Variants in PIK3C2B observed in about 807,000 individuals in gnomAD.
PIK3C2B encodes phosphatidylinositol 4-phosphate 3-kinase C2 domain-containing subunit beta.
A neutral mutation model predicts 184.3 loss-of-function variants in PIK3C2B; 83 were observed. That is an observed-to-expected ratio of 0.45 (90% CI 0.38 to 0.54). The LOEUF is 0.54. Ranked by LOEUF, PIK3C2B falls within the 20% of genes least tolerant of loss-of-function variation. PIK3C2B has a pLI of 0.00. For missense variants in PIK3C2B, 1,736 were observed against 2,113.5 expected (o/e 0.82, Z 3.50); for synonymous variants, 779 against 837.6 (o/e 0.93, Z 1.21).
chr1:204,461,940 A>G (rs1572358192), intron 5 of PIK3C2B, among the ~76,000 whole-genome samples: 1 of 152,110 alleles, frequency 6.6e-6, no homozygotes, highest in Non-Finnish European at 1.5e-5. Context: ...GGGAACTAGC[A>G]GATTTCTGGA....
At chr1:204,456,882 A>ACACACC (rs1654890328) in intron 10 of PIK3C2B, among the ~76,000 whole-genome samples, 155 bp downstream of exon 10, 1 of 68,588 alleles carries the variant, frequency 1.5e-5, no homozygotes, top group South Asian at 4.7e-4. Context: ...GAACACACAC[A>ACACACC]CACACACACA....
chr1:204,485,703 G>A (rs1208144432), intron 1 of PIK3C2B, among the ~76,000 whole-genome samples: 1 of 151,844 alleles, frequency 6.6e-6, no homozygotes, highest in Admixed American at 6.6e-5. Context: ...AGCCTCCTGA[G>A]AAGCTGGGAC....
intron 31 of PIK3C2B, among the ~76,000 whole-genome samples, chr1:204,427,332 C>T (rs933705831): frequency 6.6e-6 from 1 of 152,148 alleles, no homozygotes; most frequent in East Asian, 1.9e-4. Flanking sequence ...CTAATAAAAC[C>T]AGGCATGGTG....
At chr1:204,472,978 C>A (rs1332726558) in intron 1 of PIK3C2B, among the ~76,000 whole-genome samples, 1 of 152,146 alleles carries the variant, frequency 6.6e-6, no homozygotes, top group African/African-American at 2.4e-5. Context: ...TGACTCTTAG[C>A]ATCAGCAGCC....
chr1:204,469,518 T>C lies in PIK3C2B; in HGVS notation c.285A>G (p.Ser95=). 1.9e-6 allele frequency: 3 copies of C among 1,604,620 alleles called. No homozygotes were observed. The highest frequency in any genetic ancestry group is 2.6e-6 in the Non-Finnish European group (3 of 1,175,518). The change falls in exon 2 of 33, where the codon TCA becomes TCG. Residue 95 remains serine, a synonymous_variant. Transcript: ENST00000684373. ...SGSDPTLNYN[S]LSPQEGPPNH... is the part of the protein sequence containing the mutation. ...TGGGCGGCCCTTCCTGTGGGGAGAG[T>C]GAGTTGTAGTTAAGGGTAGGATCAG...
chr1:204,451,929 C>T (rs1052585611), intron 12 of PIK3C2B, among the ~76,000 whole-genome samples: 5 of 152,178 alleles, frequency 3.3e-5, no homozygotes, highest in African/African-American at 9.7e-5. Flanking sequence ...GCCCTATTAT[C>T]GCTACCATTC....
intron 1 of PIK3C2B, among the ~76,000 whole-genome samples, chr1:204,473,535 G>T (rs1572384066): frequency 1.3e-5 from 2 of 152,204 alleles, no homozygotes; most frequent in African/African-American, 4.8e-5. Flanking sequence ...CTTATAGATA[G>T]GAGATACCAG....
At chr1:204,442,660 G>A (rs1462286105) in intron 19 of PIK3C2B, 27 bp from the exon 20 acceptor site, 4 of 1,441,362 alleles carry the variant, frequency 2.8e-6, no homozygotes, top group Non-Finnish European at 2.9e-6. Flanking sequence ...GAGTACAGCA[G>A]GGGTGAAATG....
At chr1:204,449,690 G>A (rs1230837684) in intron 13 of PIK3C2B, among the ~76,000 whole-genome samples, 160 bp downstream of exon 13, 1 of 152,166 alleles carries the variant, frequency 6.6e-6, no homozygotes, top group Admixed American at 6.5e-5. Flanking sequence ...CAATAGTCCT[G>A]GTCACCAGTT....
chr1:204,450,373 G>A (rs1312712013), intron 12 of PIK3C2B, among the ~76,000 whole-genome samples: 1 of 152,122 alleles, frequency 6.6e-6, no homozygotes, highest in Non-Finnish European at 1.5e-5. Context: ...TCCTTTCCTT[G>A]TTTTAGGATT....
chr1:204,433,339 G>A lies in PIK3C2B; in HGVS notation c.3930C>T (p.Ala1310=). The change falls in exon 26 of 33, where the codon GCC becomes GCT. Residue 1310 remains alanine, a synonymous_variant. Coordinates refer to ENST00000684373, the MANE Select transcript of PIK3C2B (RefSeq NM_001377334.1). This position sits in a 1 kb window ranked among gnomAD's most constrained non-coding sequence, Gnocchi z 5.0. ...ACCTAGTGAAGTAGGTAGTGGCATT[G>A]GCCTCTGTATCCTGAGGCCTCAGGG... ...YDALRPQDTE[A]NATTYFTRLI... The A allele has an allele frequency of 6.3e-7, 1 of 1,598,384 alleles. No individual in the cohort carries two copies. Among genetic ancestry groups the A allele is most frequent in the Non-Finnish European group, 8.6e-7 (1 of 1,165,692 alleles).
chr1:204,441,641 C>G, intron 20 of PIK3C2B, 78 bp from the exon 21 acceptor site: 1 of 859,578 alleles, frequency 1.2e-6, no homozygotes, highest in Non-Finnish European at 1.9e-6. Context: ...CACTTCAGAC[C>G]AAGATGCTGC....
chr1:204,469,114 C>A lies in PIK3C2B; in HGVS notation c.689G>T (p.Gly230Val). ...GRLLGSVDYDGINDAITRLNL... is the reference protein window; with the variant it reads ...GRLLGSVDYDVINDAITRLNL... The stretch of plus-strand genomic sequence containing the variant: ...GAGCCTAGTAATTGCATCATTGATA[C>A]CATCATAGTCCACAGACCCCAGTAG... The change falls in exon 2 of 33, where the codon GGT becomes GTT. Residue 230 changes from glycine (G) to valine (V), a missense_variant. Around this residue, in one of 8 missense-constraint regions of PIK3C2B, gnomAD observed 404 missense variants for 418.0 expected, o/e 0.97. Coordinates refer to ENST00000684373, the MANE Select transcript of PIK3C2B (RefSeq NM_001377334.1). 1 of 1,614,160 alleles carries A rather than the reference C, an allele frequency of 6.2e-7. No individual in the cohort carries two copies. Among genetic ancestry groups the A allele is most frequent in the Admixed American group, 1.7e-5 (1 of 60,020 alleles).
At chr1:204,464,713 T>C (rs1385145971) in intron 3 of PIK3C2B, 109 bp from the exon 4 acceptor site, 1 of 1,049,902 alleles carries the variant, frequency 9.5e-7, no homozygotes, top group Non-Finnish European at 1.4e-6. Flanking sequence ...CTGTCCCCAC[T>C]CAGCCCAGCC....
intron 3 of PIK3C2B, 25 bp downstream of exon 3, chr1:204,465,194 T>G: frequency 3.0e-6 from 2 of 661,986 alleles, no homozygotes; most frequent in Non-Finnish European, 2.7e-6. Context: ...CCCTCCCAAA[T>G]CCCACCCCAT....
rs370493585 is a variant in PIK3C2B, at chr1:204,444,049, T to G, written c.2867+19A>C. On this transcript the variant is annotated intron_variant, in intron 18 of 32. Coordinates refer to ENST00000684373, the MANE Select transcript of PIK3C2B (RefSeq NM_001377334.1). ...GAAAGACACGTGTCTACCTCCCACT[T>G]TTCTACATGCAGTTTTACCAGAAGA... The G allele has an allele frequency of 2.5e-5, 39 of 1,553,112 alleles. No homozygotes were observed. Among genetic ancestry groups the G allele is most frequent in the Admixed American group, 3.3e-5 (2 of 59,942 alleles).
At chr1:204,450,294 G>C (rs749575957) in intron 12 of PIK3C2B, among the ~76,000 whole-genome samples, 6 of 152,184 alleles carry the variant, frequency 3.9e-5, no homozygotes, top group Non-Finnish European at 8.8e-5. Context: ...CGTGGTGCCT[G>C]GACAGAACTT....
chr1:204,464,975 A>G (rs1655631384), intron 3 of PIK3C2B, among the ~76,000 whole-genome samples: 1 of 151,984 alleles, frequency 6.6e-6, no homozygotes, highest in South Asian at 2.1e-4. Flanking sequence ...TGAGGGTCAG[A>G]CTCTAGAGTG....
At chr1:204,442,402 G>A (rs1370437461) in intron 20 of PIK3C2B, 124 bp downstream of exon 20, 1 of 643,940 alleles carries the variant, frequency 1.6e-6, no homozygotes, top group Non-Finnish European at 2.8e-6. Context: ...AGACCACATG[G>A]TAAGTTAGCA....
Sources: allele counts gnomAD v4.1 joint callset (sites outside exome capture counted in the v4.1 genomes callset), GRCh38; gene constraint gnomAD v4.1.1; regional missense constraint gnomAD v4.1.1; non-coding constraint Gnocchi (gnomAD v3.1); transcripts MANE v1.5; gene names NCBI Gene and HGNC (gene_info 2026-07-23, HGNC 2026-07-21).